DOCK9: variants seen among roughly 807,000 people sequenced by gnomAD.
DOCK9 encodes the protein dedicator of cytokinesis 9.
DOCK9 carries 89 observed loss-of-function variants against 263.3 expected under a neutral mutation model. The observed-to-expected ratio is 0.34, with a 90% confidence interval of 0.28 to 0.40. The LOEUF is 0.40. Ranked by LOEUF, DOCK9 falls within the 10% of genes least tolerant of loss-of-function variation. The pLI is 1.00. For synonymous variants in DOCK9, 976 were observed against 973.1 expected (o/e 1.00, Z -0.06); for missense variants, 2,140 against 2,603.4 (o/e 0.82, Z 3.87).
rs1375129695 is a variant in DOCK9 at position 99,008,231 on chromosome 13, TA to T, written c.130-52681del. Among the ~76,000 whole-genome samples the T allele has an allele frequency of 8.4e-3, 951 of 113,272 alleles. 10 individuals carry two copies. The highest frequency in any genetic ancestry group is 0.022 in the African/African-American group (608 of 28,162). The allele number at this position is 113,272 out of a possible 152,430, so 74.3% of individuals were successfully genotyped here. A position where few individuals can be genotyped will look rare whatever the true frequency, so the allele number is the denominator to read the frequency against. On this transcript the variant is annotated intron_variant, in intron 1 of 32. Transcript: ENST00000427887. ...CTCTCTCTATATATATATATATATATATATTTTTTTTTTTTTTTGAGACGAA... is the reference window on the plus strand; with the variant it reads ...CTCTCTCTATATATATATATATATATTATTTTTTTTTTTTTTTGAGACGAA...
intron 3 of DOCK9, among the ~76,000 whole-genome samples, chr13:98,928,156 C>A (rs573316634): frequency 5.3e-5 from 8 of 152,258 alleles, no homozygotes; most frequent in African/African-American, 1.9e-4. Context: ...CAACCCCCAC[C>A]CCTCTGGGGA....
chr13:98,793,897 T>C lies in DOCK9; in HGVS notation c.*729A>G, dbSNP rs1284104534. ...GAGTATTAAAAATGTAGAAATGTAA[T>C]ACATATATGTACAGAATGCCAGGAC... On this transcript the variant is annotated 3_prime_UTR_variant, in exon 53 of 53. Transcript: ENST00000682017. 1 of 152,648 alleles carries C rather than the reference T, an allele frequency of 6.6e-6. No individual in the cohort carries two copies. Among genetic ancestry groups the C allele is most frequent in the East Asian group, 1.9e-4 (1 of 5,202 alleles). 9.5% of individuals were successfully genotyped at this position (152,648 alleles called of 1,614,324 possible).
At chr13:99,033,753 C>A (rs1037738285) in intron 1 of DOCK9, among the ~76,000 whole-genome samples, 1 of 152,214 alleles carries the variant, frequency 6.6e-6, no homozygotes, top group African/African-American at 2.4e-5. Context: ...TGAACTAGGA[C>A]TTCTACTCTC....
At position 98,825,477 on chromosome 13, in the gene DOCK9, C is replaced by T. The variant is rs1265903844; in HGVS notation, c.5024-973G>A. Among the ~76,000 whole-genome samples, 1 of 152,184 alleles carries T rather than the reference C, an allele frequency of 6.6e-6. No individual in the cohort carries two copies. The highest frequency in any genetic ancestry group is 2.4e-5 in the African/African-American group (1 of 41,442). ...TGCTGCACATGATCCCAGGTTTCTA[C>T]ACTATTCATGGATTATCCAGCATCT... On this transcript the variant is annotated intron_variant, in intron 44 of 52. Coordinates refer to ENST00000682017, the MANE Select transcript of DOCK9 (RefSeq NM_001366683.2). The surrounding 1 kb of genome is among the most constrained non-coding windows in gnomAD (Gnocchi z 4.1).
At chr13:98,938,791 C>G (rs553319886) in intron 2 of DOCK9, among the ~76,000 whole-genome samples, 1 of 152,088 alleles carries the variant, frequency 6.6e-6, no homozygotes, top group South Asian at 2.1e-4. Flanking sequence ...GTATGCAAAT[C>G]CTTGGGATAT....
At chr13:98,979,292 T>C (rs906911468), upstream of DOCK9, among the ~76,000 whole-genome samples, 2 of 152,124 alleles carry the variant, frequency 1.3e-5, no homozygotes, top group East Asian at 1.9e-4. Context: ...GTAGTTATCA[T>C]GTAGCAACAA....
At chr13:98,954,941 A>C (rs1379525281) in intron 2 of DOCK9, among the ~76,000 whole-genome samples, 1 of 152,140 alleles carries the variant, frequency 6.6e-6, no homozygotes, top group Non-Finnish European at 1.5e-5. Context: ...AATACCATTA[A>C]AAATTATCAA....
At chr13:98,951,207 T>C (rs2057372546) in intron 2 of DOCK9, among the ~76,000 whole-genome samples, 1 of 152,068 alleles carries the variant, frequency 6.6e-6, no homozygotes, top group Non-Finnish European at 1.5e-5. Flanking sequence ...TAGGAAAAAA[T>C]ACTCCTCTCC....
rs762924735 is a variant in DOCK9 at position 98,863,426 on chromosome 13, T to A, written c.3409A>T (p.Ser1137Cys). 7 of 1,613,894 alleles carry A rather than the reference T, an allele frequency of 4.3e-6. No individual in the cohort carries two copies. Among genetic ancestry groups the A allele is most frequent in the African/African-American group, 1.3e-5 (1 of 74,922 alleles). ...EFREVRLIAI[S>C]VLKNLLIKHS... is the part of the protein sequence containing the mutation. ...TTTATCAGCAGGTTCTTGAGCACAC[T>A]GATGGCGATCAGACGGACCTCCCGG... is the stretch of plus-strand genomic sequence containing the variant. Residue 1137 changes from serine to cysteine, a missense_variant, in exon 31 of 53, where the codon AGT becomes TGT. Transcript: ENST00000682017.
chr13:98,799,339 C>CAT (rs1213810209), intron 50 of DOCK9, among the ~76,000 whole-genome samples: 1 of 152,120 alleles, frequency 6.6e-6, no homozygotes, highest in Non-Finnish European at 1.5e-5. Flanking sequence ...TATACAAATA[C>CAT]ATATATACAC....
At chr13:98,796,474 G>A (rs927266693) in intron 52 of DOCK9, among the ~76,000 whole-genome samples, 26 of 152,144 alleles carry the variant, frequency 1.7e-4, no homozygotes, top group African/African-American at 6.3e-4. Flanking sequence ...AAAACAATGT[G>A]GATGCTGCTC....
intron 7 of DOCK9, among the ~76,000 whole-genome samples, chr13:98,918,947 C>T (rs914610970): frequency 1.3e-5 from 2 of 152,102 alleles, no homozygotes; most frequent in Non-Finnish European, 2.9e-5. Flanking sequence ...AGCTAAAATC[C>T]GATCTACCAG....
intron 1 of DOCK9, among the ~76,000 whole-genome samples, chr13:99,004,667 C>A (rs189469940): frequency 6.6e-6 from 1 of 152,190 alleles, no homozygotes; most frequent in East Asian, 1.9e-4. Flanking sequence ...GGCAGAGAAA[C>A]AAATGCTGAT....
rs67121295 is a variant in DOCK9 at position 98,809,278 on chromosome 13, GT to G, written c.5367+73del. ...ATTTATAAGATATAACTTTATTATA[GT>G]TTTTTTTTTGTTTTTGTTTTTGTTT... is the stretch of plus-strand genomic sequence containing the variant. On this transcript the variant is annotated intron_variant, in intron 47 of 52. Coordinates refer to ENST00000682017, the MANE Select transcript of DOCK9 (RefSeq NM_001366683.2). 6.1e-4 allele frequency: 779 copies of G among 1,272,584 alleles called. 1 individual carries two copies. The highest frequency in any genetic ancestry group is 3.4e-3 in the African/African-American group (210 of 61,988). The allele number at this position is 1,272,584 out of a possible 1,614,324, so 78.8% of individuals were successfully genotyped here.
At chr13:98,794,815 A>C in intron 52 of DOCK9, 67 bp from the exon 53 acceptor site, 2 of 1,557,172 alleles carry the variant, frequency 1.3e-6, no homozygotes, top group Non-Finnish European at 1.8e-6. Flanking sequence ...CCATGTTGCC[A>C]TGTGTGACAC....
At chr13:98,837,660 C>G in intron 38 of DOCK9, 51 bp from the exon 39 acceptor site, 3 of 1,338,480 alleles carry the variant, frequency 2.2e-6, no homozygotes, top group Non-Finnish European at 3.2e-6. Flanking sequence ...GAAGGCAAGG[C>G]TGGCAGGATG....
chr13:98,985,878 C>G (rs1878340802), intron 1 of DOCK9, among the ~76,000 whole-genome samples: 2 of 152,210 alleles, frequency 1.3e-5, no homozygotes, highest in Non-Finnish European at 2.9e-5. Context: ...AGTAGGCAAT[C>G]CATAAATGCT....
chr13:99,014,746 A>C (rs1488707811), intron 1 of DOCK9, among the ~76,000 whole-genome samples: 1 of 152,222 alleles, frequency 6.6e-6, no homozygotes, highest in Admixed American at 6.5e-5. Flanking sequence ...CTGAGAGAGG[A>C]GGAGACCCAT....
At chr13:99,015,497 C>T (rs1327178122) in intron 1 of DOCK9, 3 of 1,597,954 alleles carry the variant, frequency 1.9e-6, no homozygotes, top group Admixed American at 1.7e-5. Flanking sequence ...CAATTGTATG[C>T]TGTATATTCA....
Sources: allele counts gnomAD v4.1 joint callset (sites outside exome capture counted in the v4.1 genomes callset), GRCh38; gene constraint gnomAD v4.1.1; non-coding constraint Gnocchi (gnomAD v3.1); transcripts MANE v1.5; gene names NCBI Gene and HGNC (gene_info 2026-07-23, HGNC 2026-07-21).